The following ARHGAP8 variants were observed in gnomAD, a reference collection of about 807,000 sequenced individuals.
ARHGAP8 encodes rho GTPase-activating protein 8.
ARHGAP8 carries 62 observed loss-of-function variants against 46.1 expected under a neutral mutation model. The ratio of observed to expected loss-of-function variants is 1.34; its 90% CI spans 1.10 to 1.66. The LOEUF (loss-of-function observed/expected upper bound fraction) is 1.66, where lower values mean the gene tolerates loss of function less well. ARHGAP8 is among the 40% of genes most tolerant of loss of function. The pLI, the probability that ARHGAP8 is intolerant of heterozygous loss-of-function variation, is 0.00. For missense variants in ARHGAP8, 923 were observed against 568.4 expected (o/e 1.62, Z -6.34); for synonymous variants, 375 against 243.1 (o/e 1.54, Z -5.05).
intron 6 of ARHGAP8, among the ~76,000 whole-genome samples, chr22:44,823,484 G>A (rs980438006): frequency 2.6e-5 from 4 of 152,244 alleles, no homozygotes; most frequent in African/African-American, 7.2e-5. Context: ...TGATCAGGCA[G>A]AAGTTGGTGA....
chr22:44,826,801 A>T (rs772233195), intron 7 of ARHGAP8, among the ~76,000 whole-genome samples: 1 of 152,090 alleles, frequency 6.6e-6, no homozygotes, highest in Non-Finnish European at 1.5e-5. Context: ...GGGCCAGGGG[A>T]GGAGGTGCAT....
At chr22:44,860,481 C>T (rs142772686) in intron 11 of ARHGAP8, among the ~76,000 whole-genome samples, 2 of 152,060 alleles carry the variant, frequency 1.3e-5, no homozygotes, top group Non-Finnish European at 2.9e-5. Flanking sequence ...TAAGTGTGGA[C>T]CCCCTGCCAT....
intron 4 of ARHGAP8, among the ~76,000 whole-genome samples, chr22:44,812,824 G>C (rs959269002): frequency 6.6e-6 from 1 of 152,156 alleles, no homozygotes; most frequent in Admixed American, 6.5e-5. Context: ...GGCATCTGAC[G>C]AAGGGAAGAG....
intron 1 of ARHGAP8, among the ~76,000 whole-genome samples, chr22:44,776,383 C>T (rs947715227): frequency 1.1e-4 from 16 of 151,400 alleles, no homozygotes; most frequent in South Asian, 4.2e-4. Flanking sequence ...ACCTGGGAGG[C>T]GGACATTGCA....
intron 1 of ARHGAP8, among the ~76,000 whole-genome samples, chr22:44,777,950 C>T (rs1602161054): frequency 2.0e-5 from 3 of 152,144 alleles, no homozygotes; most frequent in Non-Finnish European, 4.4e-5. Context: ...CCTGCCTCAG[C>T]CTCCCAAAGT....
chr22:44,862,216 TC>T (rs763367792), intron 11 of ARHGAP8, 58 bp from the exon 12 acceptor site: 24 of 1,532,112 alleles, frequency 1.6e-5, no homozygotes, highest in Non-Finnish European at 2.1e-5. Flanking sequence ...GGGAGGGAGT[TC>T]CAGGTGCCCG....
intron 7 of ARHGAP8, among the ~76,000 whole-genome samples, chr22:44,826,671 C>T: frequency 6.6e-6 from 1 of 152,152 alleles, no homozygotes; most frequent in East Asian, 1.9e-4. Context: ...AGCGATCCAC[C>T]CCTCTCAGCC....
At position 44,803,352 on chromosome 22, in the gene ARHGAP8, C is replaced by T. The variant is rs938007967; in HGVS notation, c.167+1188C>T. Among the ~76,000 whole-genome samples, 8 of 152,142 alleles carry T rather than the reference C, an allele frequency of 5.3e-5. 1 individual carries two copies. The highest frequency in any genetic ancestry group is 1.9e-4 in the African/African-American group (8 of 41,418). ...CAGGAGCATTCAGAAGGGGAGGTCT[C>T]AGGCAGTTTCCCAAACTAACTTGGG... On this transcript the variant is annotated intron_variant, in intron 3 of 11. Transcript: ENST00000356099.
At chr22:44,810,483 G>T (rs1157348453) in intron 4 of ARHGAP8, among the ~76,000 whole-genome samples, 1 of 151,936 alleles carries the variant, frequency 6.6e-6, no homozygotes, top group Admixed American at 6.6e-5. Flanking sequence ...CTCGTGATCC[G>T]CCTGCCTTGG....
chr22:44,817,264 C>T (rs1038008944), intron 5 of ARHGAP8, among the ~76,000 whole-genome samples: 26 of 152,178 alleles, frequency 1.7e-4, no homozygotes, highest in Admixed American at 1.7e-3. Context: ...GGAGAATTCC[C>T]AGAGCAGCAG....
chr22:44,785,476 G>A (rs1434361638), intron 1 of ARHGAP8, among the ~76,000 whole-genome samples: 1 of 152,056 alleles, frequency 6.6e-6, no homozygotes, highest in Non-Finnish European at 1.5e-5. Flanking sequence ...ACTAGTCTGT[G>A]ACTCCGTCCT....
rs1374720783 is a variant in ARHGAP8 at position 44,786,579 on chromosome 22, G to A, written c.52G>A (p.Ala18Thr). ...LSTSHPFYDV[A>T]RHGILQVAGD... Reference sequence around the variant, plus strand: ...CACGAGTCACCCGTTCTACGACGTGGCCAGACATGGCATTCTGCAGGTGGC... The same window carrying A: ...CACGAGTCACCCGTTCTACGACGTGACCAGACATGGCATTCTGCAGGTGGC... The change falls in exon 2 of 12, where the codon GCC (alanine) becomes ACC (threonine). Residue 18 changes from alanine to threonine, a missense_variant. Transcript: ENST00000356099. The A allele has an allele frequency of 6.2e-7, 1 of 1,613,404 alleles. No individual in the cohort carries two copies. The highest frequency in any genetic ancestry group is 1.1e-5 in the South Asian group (1 of 90,954).
chr22:44,810,075 G>T (rs149935035), intron 4 of ARHGAP8, among the ~76,000 whole-genome samples: 2 of 152,268 alleles, frequency 1.3e-5, no homozygotes, highest in East Asian at 3.9e-4. Context: ...TGTCCTGGGA[G>T]AATCAATAGC....
intron 2 of ARHGAP8, 145 bp downstream of exon 2, chr22:44,786,751 A>T: frequency 7.9e-7 from 1 of 1,264,726 alleles, no homozygotes; most frequent in Non-Finnish European, 1.1e-6. Context: ...GCAGTGGCTC[A>T]TACCTTTAAT....
At chr22:44,834,695 G>A (rs1282984719) in intron 7 of ARHGAP8, among the ~76,000 whole-genome samples, 1 of 152,130 alleles carries the variant, frequency 6.6e-6, no homozygotes, top group Admixed American at 6.5e-5. Flanking sequence ...ATTATTGAAA[G>A]TGGGGGATTG....
intron 7 of ARHGAP8, among the ~76,000 whole-genome samples, chr22:44,832,685 T>C (rs1017906523): frequency 1.8e-4 from 27 of 152,234 alleles, no homozygotes; most frequent in Non-Finnish European, 2.9e-4. Context: ...ATATCCAGGA[T>C]CATGTCATCT....
Position 44,814,724 on chromosome 22 carries a change from A to C in ARHGAP8, c.352A>C (p.Lys118Gln), listed in dbSNP as rs1569158965. ...LYVVHPTSFI[K>Q]VLWNILKPLI... ...CGTGGTGCACCCCACCAGCTTCATC[A>C]AGGTCCTGTGGAACATCTTGAAGCC... Residue 118 changes from lysine (K) to glutamine (Q), a missense_variant, in exon 5 of 12, where the codon AAG becomes CAG. Transcript: ENST00000356099. 6.2e-7 allele frequency: 1 copy of C among 1,613,922 alleles called. No homozygotes were observed. The highest frequency in any genetic ancestry group is 1.7e-5 in the Admixed American group (1 of 59,992).
intron 2 of ARHGAP8, among the ~76,000 whole-genome samples, chr22:44,795,936 G>T (rs370486223): frequency 6.6e-6 from 1 of 152,184 alleles, no homozygotes; most frequent in East Asian, 1.9e-4. Flanking sequence ...TCCCCTGTAA[G>T]TGGCCTTGCC....
intron 1 of ARHGAP8, among the ~76,000 whole-genome samples, chr22:44,782,752 C>A (rs1926935258): frequency 6.6e-6 from 1 of 152,198 alleles, no homozygotes; most frequent in Non-Finnish European, 1.5e-5. Context: ...TGGTGGACAT[C>A]TGGGCAGTTG....
Sources: allele counts gnomAD v4.1 joint callset (sites outside exome capture counted in the v4.1 genomes callset), GRCh38; gene constraint gnomAD v4.1.1; transcripts MANE v1.5; gene names NCBI Gene and HGNC (gene_info 2026-07-23, HGNC 2026-07-21).